Variants in PKHD1 observed in about 807,000 individuals in gnomAD.
PKHD1 encodes fibrocystin.
Under a neutral mutation model 412.0 loss-of-function variants are expected in PKHD1, and 291 were observed. The ratio of observed to expected loss-of-function variants is 0.71; its 90% CI spans 0.64 to 0.78. The LOEUF is 0.78. Among genes scored for constraint, PKHD1 ranks in the 30% least tolerant of loss-of-function variants. The pLI, the probability that PKHD1 is intolerant of heterozygous loss-of-function variation, is 0.00. For synonymous variants in PKHD1, 1,777 were observed against 1,821.5 expected, an observed-to-expected ratio of 0.98 and a Z score of 0.62; for missense variants, 4,825 against 4,950.7, an observed-to-expected ratio of 0.97 and a Z score of 0.76.
At chr6:51,845,673 C>T (rs561281926) in intron 50 of PKHD1, among the ~76,000 whole-genome samples, 143 of 152,310 alleles carry the variant, frequency 9.4e-4, no homozygotes, top group Non-Finnish European at 1.5e-3. Flanking sequence ...TGTACCTCTA[C>T]ATATAAGCAC....
chr6:51,962,017 A>C (rs1379413811), intron 35 of PKHD1, among the ~76,000 whole-genome samples: 1 of 152,104 alleles, frequency 6.6e-6, no homozygotes, highest in Non-Finnish European at 1.5e-5. Context: ...AAATTTAAGG[A>C]TCAATTCAGA....
chr6:52,072,713 C>T (rs1562286639), intron 7 of PKHD1, among the ~76,000 whole-genome samples: 1 of 152,100 alleles, frequency 6.6e-6, no homozygotes, highest in African/African-American at 2.4e-5. Flanking sequence ...TGGAGTAGAA[C>T]AGAAGAGGAT....
At chr6:51,704,988 G>A (rs1779845835) in intron 60 of PKHD1, among the ~76,000 whole-genome samples, 2 of 152,024 alleles carry the variant, frequency 1.3e-5, no homozygotes, top group South Asian at 4.2e-4. Context: ...AATGTCTGAG[G>A]TAGTGGTGGC....
At chr6:51,927,801 G>C (rs1224095426) in intron 37 of PKHD1, among the ~76,000 whole-genome samples, 1 of 152,124 alleles carries the variant, frequency 6.6e-6, no homozygotes, top group Non-Finnish European at 1.5e-5. Context: ...AGTTTCCTCT[G>C]GATAGCTGAA....
At chr6:51,773,970 A>G (rs1170019261) in intron 54 of PKHD1, among the ~76,000 whole-genome samples, 1 of 151,896 alleles carries the variant, frequency 6.6e-6, no homozygotes, top group Non-Finnish European at 1.5e-5. Context: ...TCATAATAGC[A>G]TTTATATATT....
intron 21 of PKHD1, among the ~76,000 whole-genome samples, chr6:52,052,679 A>G (rs751597338): frequency 4.6e-5 from 7 of 152,294 alleles, no homozygotes; most frequent in African/African-American, 1.2e-4. Flanking sequence ...ATAATTGCTT[A>G]TATTTATTAG....
In PKHD1 at chr6:52,040,008, G is replaced by T. The variant is rs572716227; in HGVS notation, c.3097+2851C>A. 8.5e-5 allele frequency among the ~76,000 whole-genome samples: 13 copies of T among 152,232 alleles called. No homozygotes were observed. In the East Asian group the frequency reaches 2.1e-3, roughly 25 times the overall value. On this transcript the variant is annotated intron_variant, in intron 27 of 66. Transcript: ENST00000371117. ...CAAGTAGAGAAGCCAGATGTAAAAG[G>T]TCACATGTTGCATTATTTTATTTAT... is the stretch of plus-strand genomic sequence containing the variant.
intron 33 of PKHD1, among the ~76,000 whole-genome samples, chr6:52,021,747 T>TCCTCTTC (rs1801432772): frequency 6.6e-6 from 1 of 152,112 alleles, no homozygotes; most frequent in Non-Finnish European, 1.5e-5. Context: ...CCCTTCTTCT[T>TCCTCTTC]CCTCTTCCCT....
intron 43 of PKHD1, among the ~76,000 whole-genome samples, chr6:51,902,155 A>T (rs775191674): frequency 7.9e-5 from 12 of 152,208 alleles, no homozygotes; most frequent in Non-Finnish European, 1.0e-4. Context: ...CATTTGATGT[A>T]GTCAACATTA....
At chr6:52,009,763 T>C (rs1467816118) in intron 35 of PKHD1, among the ~76,000 whole-genome samples, 1 of 151,990 alleles carries the variant, frequency 6.6e-6, no homozygotes, top group African/African-American at 2.4e-5. Context: ...GTTTAGACAA[T>C]TTCAAAATGG....
At chr6:51,914,329 GAC>G (rs1455898237) in intron 37 of PKHD1, among the ~76,000 whole-genome samples, 7 of 152,014 alleles carry the variant, frequency 4.6e-5, no homozygotes, top group Admixed American at 1.3e-4. Flanking sequence ...TGTAAATATT[GAC>G]AGAGCCTCTA....
At chr6:51,680,196 A>T (rs546980533) in intron 60 of PKHD1, among the ~76,000 whole-genome samples, 5 of 151,954 alleles carry the variant, frequency 3.3e-5, no homozygotes, top group African/African-American at 1.2e-4. Flanking sequence ...AGTACTAGAA[A>T]TTTTTTCCAC....
At chr6:51,762,957 T>A (rs569040636) in intron 55 of PKHD1, among the ~76,000 whole-genome samples, 1 of 152,200 alleles carries the variant, frequency 6.6e-6, no homozygotes, top group Admixed American at 6.5e-5. Flanking sequence ...AGTCTGAAGT[T>A]ATTTTTAACA....
chr6:51,737,734 G>T (rs1236229410), intron 60 of PKHD1, among the ~76,000 whole-genome samples: 1 of 151,642 alleles, frequency 6.6e-6, no homozygotes, highest in Non-Finnish European at 1.5e-5. Flanking sequence ...GTGAGTGTGT[G>T]TGTGTGTGTG....
intron 41 of PKHD1, among the ~76,000 whole-genome samples, chr6:51,904,430 C>T (rs1781757830): frequency 1.3e-5 from 2 of 152,208 alleles, no homozygotes; most frequent in South Asian, 4.1e-4. Context: ...GGATGGACAA[C>T]ATCTAGGACC....
intron 16 of PKHD1, 39 bp downstream of exon 16, chr6:52,058,284 C>T: frequency 6.2e-7 from 1 of 1,610,614 alleles, no homozygotes; most frequent in Non-Finnish European, 8.5e-7. Flanking sequence ...TTTATTCCTT[C>T]CAGAGTTCAG....
chr6:51,936,306 T>C (rs2127778475), intron 36 of PKHD1, among the ~76,000 whole-genome samples: 1 of 152,324 alleles, frequency 6.6e-6, no homozygotes, highest in African/African-American at 2.4e-5. Flanking sequence ...GCCTACATAG[T>C]GTCTCAATGA....
chr6:51,989,392 G>A (rs952723580), intron 35 of PKHD1, among the ~76,000 whole-genome samples: 3 of 152,164 alleles, frequency 2.0e-5, no homozygotes, highest in Non-Finnish European at 2.9e-5. Context: ...GTGATACTGA[G>A]CAAAAGCAAT....
At chr6:51,966,139 T>G (rs1253161280) in intron 35 of PKHD1, among the ~76,000 whole-genome samples, 1 of 152,112 alleles carries the variant, frequency 6.6e-6, no homozygotes, top group Non-Finnish European at 1.5e-5. Flanking sequence ...TTGCCAAGGT[T>G]GAGGATGCAT....
Sources: gnomAD v4.1 joint callset for allele counts (sites outside exome capture counted in the v4.1 genomes callset) on GRCh38, gnomAD v4.1.1 for gene constraint, MANE v1.5 for transcripts, NCBI Gene and HGNC (gene_info 2026-07-23, HGNC 2026-07-21) for gene names.